NDUFAB1: variants seen among roughly 807,000 people sequenced by gnomAD.
The protein encoded by NDUFAB1 is NADH:ubiquinone oxidoreductase subunit AB1, also known as acyl carrier protein, mitochondrial.
A neutral mutation model predicts 16.1 loss-of-function variants in NDUFAB1; 5 were observed. That is an observed-to-expected ratio of 0.31 (90% CI 0.16 to 0.65). The LOEUF is 0.65. Among genes scored for constraint, NDUFAB1 ranks in the 30% least tolerant of loss-of-function variants. The probability of loss-of-function intolerance (pLI) is 0.77; values close to 1 mark genes in which losing one functional copy is unlikely to be tolerated. For synonymous variants in NDUFAB1, 85 were observed against 78.4 expected, an observed-to-expected ratio of 1.08 and a Z score of -0.44; for missense variants, 187 against 205.3, an observed-to-expected ratio of 0.91 and a Z score of 0.54.
chr16:23,588,665 G>T (rs1966253688), intron 1 of NDUFAB1, among the ~76,000 whole-genome samples: 1 of 152,094 alleles, frequency 6.6e-6, no homozygotes, highest in Admixed American at 6.5e-5. Context: ...CTCTGTAGAA[G>T]AAACATTCAT....
At chr16:23,582,835 CCT>C (rs1294000072) in intron 3 of NDUFAB1, among the ~76,000 whole-genome samples, 2 of 146,290 alleles carry the variant, frequency 1.4e-5, no homozygotes, top group Admixed American at 6.8e-5. Context: ...TCTCCCTCTC[CCT>C]CTCTTTCCAT....
chr16:23,596,070 C>T, intron 1 of NDUFAB1, 53 bp downstream of exon 1: 2 of 1,560,062 alleles, frequency 1.3e-6, no homozygotes, highest in Non-Finnish European at 1.7e-6. Context: ...CCCACCCCCA[C>T]CGGGCCCAAT....
intron 1 of NDUFAB1, among the ~76,000 whole-genome samples, chr16:23,588,961 C>T (rs1412995348): frequency 4.6e-5 from 7 of 151,700 alleles, no homozygotes; most frequent in Middle Eastern, 3.5e-3. Flanking sequence ...GGCCACAGAG[C>T]GAGACTCTGT....
chr16:23,587,223 G>C lies in NDUFAB1; in HGVS notation c.265C>G (p.Leu89Val). The change falls in exon 2 of 5, where the codon CTC (leucine) becomes GTC (valine). Residue 89 changes from leucine (L) to valine (V), a missense_variant. Coordinates refer to ENST00000007516, the MANE Select transcript of NDUFAB1 (RefSeq NM_005003.3). ...IQDRVLYVLKLYDKIDPEKLS... is the reference protein window; with the variant it reads ...IQDRVLYVLKVYDKIDPEKLS... ...TTCTCTGGGTCAATCTTGTCATAGA[G>C]TTTCAATACGTAAAGAACACGGTCC... 6.2e-7 allele frequency: 1 copy of C among 1,613,956 alleles called. No homozygotes were observed. The highest frequency in any genetic ancestry group is 1.1e-5 in the South Asian group (1 of 91,066).
chr16:23,591,699 C>G (rs1217605795), intron 1 of NDUFAB1, among the ~76,000 whole-genome samples: 4 of 152,198 alleles, frequency 2.6e-5, no homozygotes, highest in African/African-American at 4.8e-5. Context: ...TCTCTTCCCC[C>G]CAACAATGTT....
intron 1 of NDUFAB1, among the ~76,000 whole-genome samples, chr16:23,593,694 T>C (rs1047781164): frequency 1.3e-5 from 2 of 152,120 alleles, no homozygotes; most frequent in African/African-American, 4.8e-5. Context: ...CAGAACTGAA[T>C]CAGAATCTGT....
At chr16:23,592,009 C>G (rs891880581) in intron 1 of NDUFAB1, among the ~76,000 whole-genome samples, 1 of 152,172 alleles carries the variant, frequency 6.6e-6, no homozygotes, top group Non-Finnish European at 1.5e-5. Flanking sequence ...ATCCACAGAT[C>G]ATTTTAGTTG....
intron 1 of NDUFAB1, among the ~76,000 whole-genome samples, chr16:23,589,962 A>T (rs897800521): frequency 7.6e-6 from 1 of 132,180 alleles, no homozygotes; most frequent in African/African-American, 2.9e-5. Context: ...AAAAAAAAAA[A>T]AAAGAAATGG....
chr16:23,583,461 C>T (rs1216515084), intron 3 of NDUFAB1, among the ~76,000 whole-genome samples: 2 of 151,318 alleles, frequency 1.3e-5, no homozygotes, highest in Non-Finnish European at 2.9e-5. Context: ...CGTCTCTGCC[C>T]GGCCACCCAT....
In NDUFAB1 at chr16:23,582,435, A is replaced by C; in HGVS notation, c.380-60T>G. 4.1e-6 allele frequency: 6 copies of C among 1,470,388 alleles called. No individual in the cohort carries two copies. In the South Asian group the frequency reaches 7.0e-5, roughly 17 times the overall value. 91.1% of individuals were successfully genotyped at this position (1,470,388 alleles called of 1,614,324 possible). ...AAAAAAAAAAAATCCTTTAGAACTG[A>C]ACACACCTGACCCTTCTACAACAGC... On this transcript the variant is annotated intron_variant, in intron 3 of 4. Transcript: ENST00000007516.
Position 23,583,451 on chromosome 16 carries a change from C to T in NDUFAB1, c.380-1076G>A, listed in dbSNP as rs1382347717. ...ACCATCCCGTCTAGGAAGTGAGGAG[C>T]GTCTCTGCCCGGCCACCCATCGTCT... On this transcript the variant is annotated intron_variant, in intron 3 of 4. Transcript: ENST00000007516. Among the ~76,000 whole-genome samples the T allele has an allele frequency of 4.7e-5, 7 of 150,398 alleles. 1 individual carries two copies. The highest frequency in any genetic ancestry group is 1.0e-4 in the Non-Finnish European group (7 of 67,692).
rs542620168 is a variant in NDUFAB1 at position 23,582,874 on chromosome 16, C to G, written c.380-499G>C. Among the ~76,000 whole-genome samples, 44 of 151,394 alleles carry G rather than the reference C, an allele frequency of 2.9e-4. No homozygotes were observed. The East Asian group carries it at 7.3e-3, about 25-fold the overall frequency. On this transcript the variant is annotated intron_variant, in intron 3 of 4. Transcript: ENST00000007516. ...GTCTCCCTCTGATGCCGAGCCGAAG[C>G]TGGACTGTACTGCCGCCATCTCTGC...
At position 23,595,259 on chromosome 16, in the gene NDUFAB1, A is replaced by G. The variant is rs561483999; in HGVS notation, c.168+864T>C. Among the ~76,000 whole-genome samples, 10 of 152,074 alleles carry G rather than the reference A, an allele frequency of 6.6e-5. 1 individual carries two copies. In the South Asian group the frequency reaches 2.1e-3, roughly 32 times the overall value. On this transcript the variant is annotated intron_variant, in intron 1 of 4. Transcript: ENST00000007516. ...ATTACAGCCTGGGTGACAGAGCGAG[A>G]CTCTGTCTCAAAAACAACAACAACA...
At chr16:23,595,747 C>A in intron 1 of NDUFAB1, 1 of 460,838 alleles carries the variant, frequency 2.2e-6, no homozygotes, top group Non-Finnish European at 4.2e-6. Flanking sequence ...ATACGGTGAC[C>A]GCTATTTTGA....
At chr16:23,587,882 C>G (rs1173028600) in intron 1 of NDUFAB1, among the ~76,000 whole-genome samples, 1 of 152,268 alleles carries the variant, frequency 6.6e-6, no homozygotes, top group Non-Finnish European at 1.5e-5. Context: ...AGGGAGCTTA[C>G]AGTCACTACA....
intron 1 of NDUFAB1, among the ~76,000 whole-genome samples, chr16:23,589,900 C>T (rs894007719): frequency 7.1e-6 from 1 of 140,480 alleles, no homozygotes; most frequent in African/African-American, 2.7e-5. Flanking sequence ...CATGGCTCTA[C>T]ACTCCAGCCT....
At chr16:23,595,735 C>T in intron 1 of NDUFAB1, 1 of 459,358 alleles carries the variant, frequency 2.2e-6, no homozygotes, top group South Asian at 1.6e-5. Context: ...GCTTTCACTA[C>T]AATACGGTGA....
chr16:23,587,077 A>G, intron 2 of NDUFAB1, 120 bp downstream of exon 2: 1 of 950,384 alleles, frequency 1.1e-6, no homozygotes, highest in Non-Finnish European at 1.6e-6. Flanking sequence ...ATCTCCCAGA[A>G]TGGGCCTGGG....
intron 1 of NDUFAB1, among the ~76,000 whole-genome samples, chr16:23,591,418 A>G (rs1966278306): frequency 6.6e-6 from 1 of 152,168 alleles, no homozygotes; most frequent in African/African-American, 2.4e-5. Context: ...GCAAACTCAG[A>G]GGAGGCTAAG....
Sources: allele counts gnomAD v4.1 joint callset (sites outside exome capture counted in the v4.1 genomes callset), GRCh38; gene constraint gnomAD v4.1.1; transcripts MANE v1.5; gene names NCBI Gene and HGNC (gene_info 2026-07-23, HGNC 2026-07-21).